Variants in TESC observed in about 807,000 individuals in gnomAD.
The protein encoded by TESC is calcineurin B homologous protein 3.
TESC carries 19 observed loss-of-function variants against 31.0 expected under a neutral mutation model. The observed-to-expected ratio is 0.61, with a 90% CI of 0.43 to 0.90. TESC has a LOEUF of 0.90. Among genes scored for constraint, TESC ranks in the 40% least tolerant of loss-of-function variants. TESC has a pLI of 0.00. For synonymous variants in TESC, 109 were observed against 114.8 expected (o/e 0.95, Z 0.32); for missense variants, 248 against 303.8 (o/e 0.82, Z 1.36).
At chr12:117,069,389 C>A (rs1208801387) in intron 2 of TESC, among the ~76,000 whole-genome samples, 1 of 152,152 alleles carries the variant, frequency 6.6e-6, no homozygotes, top group East Asian at 1.9e-4. Flanking sequence ...CAAGCACACA[C>A]CACCACGCCC....
chr12:117,050,615 T>C (rs1234484679), intron 3 of TESC, among the ~76,000 whole-genome samples: 3 of 152,196 alleles, frequency 2.0e-5, no homozygotes, highest in East Asian at 3.9e-4. Flanking sequence ...AAATGTGTGG[T>C]CCAGCTCAGG....
At chr12:117,099,053 G>C (rs968910396) in intron 1 of TESC, among the ~76,000 whole-genome samples, 172 bp downstream of exon 1, 8 of 152,136 alleles carry the variant, frequency 5.3e-5, no homozygotes, top group Non-Finnish European at 1.2e-4. Context: ...GCTCCTCGCC[G>C]CAGCCCGCGA....
intron 1 of TESC, among the ~76,000 whole-genome samples, chr12:117,090,215 G>C (rs1297984312): frequency 1.3e-5 from 2 of 152,202 alleles, no homozygotes; most frequent in Admixed American, 1.3e-4. Flanking sequence ...AAGAGTGGTT[G>C]CAAGAATTAA....
At chr12:117,055,684 G>A (rs11838192) in intron 3 of TESC, among the ~76,000 whole-genome samples, 21,770 of 152,210 alleles carry the variant, frequency 0.14, 1,673 homozygotes, top group African/African-American at 0.19. Flanking sequence ...GAAGCAAGCC[G>A]CCATGCTGTG....
intron 6 of TESC, among the ~76,000 whole-genome samples, chr12:117,044,913 AAAG>A (rs200132678): frequency 1.6e-4 from 20 of 128,762 alleles, no homozygotes; most frequent in African/African-American, 6.4e-4. Flanking sequence ...AAAAGAAAAA[AAAG>A]AGAGAGAGAC....
intron 1 of TESC, chr12:117,098,698 G>A (rs1394076297): frequency 6.6e-6 from 1 of 152,278 alleles, no homozygotes; most frequent in Admixed American, 6.5e-5. Context: ...CCGCGGGGAT[G>A]AGGCTGCCTG....
Position 117,041,976 on chromosome 12 carries a change from C to T in TESC, c.538G>A (p.Glu180Lys), listed in dbSNP as rs761646501. 7.5e-6 allele frequency: 12 copies of T among 1,595,720 alleles called. No homozygotes were observed. Among genetic ancestry groups the T allele is most frequent in the South Asian group, 1.1e-5 (1 of 87,690 alleles). ...MGQMEPDQVY[E>K]GITFEDFLKI... is the part of the protein sequence containing the mutation. ...AGGAAGTCCTCGAAGGTGATCCCCT[C>T]GTACACCTGATCAGGCTCCTGGGGA... The change falls in exon 7 of 8, where the codon GAG becomes AAG. Residue 180 changes from glutamate (E) to lysine (K), a missense_variant. Glu to Lys is a moderately conservative substitution (Grantham distance 56). Transcript: ENST00000335209.
At chr12:117,068,672 T>A (rs1210312965) in intron 2 of TESC, among the ~76,000 whole-genome samples, 4 of 152,214 alleles carry the variant, frequency 2.6e-5, no homozygotes, top group Non-Finnish European at 5.9e-5. Flanking sequence ...GAGTCCCTTT[T>A]TTTTCTCTTC....
intron 4 of TESC, chr12:117,048,673 C>G: frequency 2.1e-6 from 1 of 485,228 alleles, no homozygotes; most frequent in Non-Finnish European, 4.1e-6. Context: ...CACGCATGAT[C>G]GGCATACCCA....
chr12:117,098,814 G>A lies in TESC; in HGVS notation c.58+411C>T, dbSNP rs191536073. Among the ~76,000 whole-genome samples the A allele has an allele frequency of 2.0e-3, 312 of 152,252 alleles. 1 individual carries two copies. The highest frequency in any genetic ancestry group is 3.1e-3 in the Non-Finnish European group (214 of 67,994). On this transcript the variant is annotated intron_variant, in intron 1 of 7. Coordinates refer to ENST00000335209, the MANE Select transcript of TESC (RefSeq NM_017899.4). ...CGGAGACCTGTTCCCACCCAGGTCCGCCGACTTCAAAACTTTCCGCTCTCG... is the reference window on the plus strand; with the variant it reads ...CGGAGACCTGTTCCCACCCAGGTCCACCGACTTCAAAACTTTCCGCTCTCG...
At chr12:117,094,797 C>T (rs1955368354) in intron 1 of TESC, among the ~76,000 whole-genome samples, 1 of 151,996 alleles carries the variant, frequency 6.6e-6, no homozygotes, top group Non-Finnish European at 1.5e-5. Flanking sequence ...AGGCGGATCA[C>T]TTAAGGTCAG....
intron 6 of TESC, 112 bp downstream of exon 6, chr12:117,046,447 G>A: frequency 9.3e-7 from 1 of 1,069,910 alleles, no homozygotes; most frequent in Non-Finnish European, 1.3e-6. Flanking sequence ...CAGGCCACAG[G>A]TAGAGCAGGT....
chr12:117,092,837 A>C (rs556505546), intron 1 of TESC, among the ~76,000 whole-genome samples: 100 of 152,356 alleles, frequency 6.6e-4, no homozygotes, highest in African/African-American at 2.4e-3. Flanking sequence ...TAATTGTTTG[A>C]ATCATTTTCT....
chr12:117,082,906 A>T (rs1309209028), intron 1 of TESC, among the ~76,000 whole-genome samples: 11 of 152,216 alleles, frequency 7.2e-5, no homozygotes, highest in Admixed American at 7.2e-4. Flanking sequence ...TTTTTTAACC[A>T]TGATGACTAT....
intron 3 of TESC, among the ~76,000 whole-genome samples, chr12:117,055,533 G>C (rs1347110460): frequency 6.6e-6 from 1 of 152,208 alleles, no homozygotes; most frequent in African/African-American, 2.4e-5. Context: ...TCCCTGTGCT[G>C]TCCCCTCAAG....
chr12:117,069,165 C>A (rs1954929864), intron 2 of TESC, among the ~76,000 whole-genome samples: 1 of 151,572 alleles, frequency 6.6e-6, no homozygotes, highest in African/African-American at 2.4e-5. Context: ...GCTTTGTGGT[C>A]TGGATGAATT....
chr12:117,085,482 C>A (rs1457830194), intron 1 of TESC, among the ~76,000 whole-genome samples: 1 of 152,160 alleles, frequency 6.6e-6, no homozygotes, highest in Non-Finnish European at 1.5e-5. Context: ...AGCTGAGAGC[C>A]TTCTCCCGTG....
rs143384317 is a variant in TESC at position 117,091,195 on chromosome 12, C to T, written c.58+8030G>A. Among the ~76,000 whole-genome samples the T allele has an allele frequency of 3.4e-3, 516 of 152,336 alleles. 4 individuals carry two copies. The highest frequency in any genetic ancestry group is 0.012 in the African/African-American group (496 of 41,582). ...TAAGCTGGAGCAGGCAACAGGAAGGCTGGCAGGACCAGGGGTGCCCAGGCC... is the reference window on the plus strand; with the variant it reads ...TAAGCTGGAGCAGGCAACAGGAAGGTTGGCAGGACCAGGGGTGCCCAGGCC... On this transcript the variant is annotated intron_variant, in intron 1 of 7. Transcript: ENST00000335209.
intron 6 of TESC, among the ~76,000 whole-genome samples, chr12:117,043,125 A>G (rs967850847): frequency 2.0e-5 from 3 of 152,112 alleles, no homozygotes; most frequent in Non-Finnish European, 4.4e-5. Flanking sequence ...TCAGACTGAT[A>G]ACCAGACCCC....
Sources: gnomAD v4.1 joint callset for allele counts (sites outside exome capture counted in the v4.1 genomes callset) on GRCh38, gnomAD v4.1.1 for gene constraint, MANE v1.5 for transcripts, NCBI Gene and HGNC (gene_info 2026-07-23, HGNC 2026-07-21) for gene names.